Variants in MASP1 observed in about 807,000 individuals in gnomAD.
MASP1 encodes the protein MBL associated serine protease 1.
A neutral mutation model predicts 77.1 loss-of-function variants in MASP1; 59 were observed. The observed-to-expected ratio is 0.77, with a 90% CI of 0.62 to 0.95. The LOEUF (loss-of-function observed/expected upper bound fraction) is 0.95. Among genes scored for constraint, MASP1 ranks in the 40% least tolerant of loss-of-function variants. The pLI, the probability that MASP1 is intolerant of heterozygous loss-of-function variation, is 0.00. For missense variants in MASP1, 885 were observed against 912.9 expected, an observed-to-expected ratio of 0.97 and a Z score of 0.39; for synonymous variants, 362 against 354.5, an observed-to-expected ratio of 1.02 and a Z score of -0.24.
intron 2 of MASP1, among the ~76,000 whole-genome samples, chr3:187,266,373 AATAAG>A (rs778673215): frequency 4.6e-5 from 7 of 152,212 alleles, no homozygotes; most frequent in South Asian, 2.1e-4. Context: ...TTGGTAGAAG[AATAAG>A]ATAAGTACTC....
rs777440372 is a variant in MASP1 at position 187,235,778 on chromosome 3, T to C, written c.2093A>G (p.Tyr698Cys). 6 of 1,614,026 alleles carry C rather than the reference T, an allele frequency of 3.7e-6. No individual in the cohort carries two copies. Among genetic ancestry groups the C allele is most frequent in the Non-Finnish European group, 5.1e-6 (6 of 1,179,976 alleles). The change falls in exon 11 of 11, where the codon TAT becomes TGT. Residue 698 changes from tyrosine (Y) to cysteine (C), a missense_variant. Tyr to Cys is a radical substitution (Grantham distance 194, BLOSUM62 -2). Transcript: ENST00000296280. ...GPEECGSKQVYGVYTKVSNYV... is the reference protein window; with the variant it reads ...GPEECGSKQVCGVYTKVSNYV... ...ATTGGAGACCTTTGTGTAGACTCCA[T>C]AGACCTGCTTGCTGCCGCATTCTTC... is the stretch of plus-strand genomic sequence containing the variant.
In MASP1 at chr3:187,270,425, C is replaced by T. The variant is rs373649492; in HGVS notation, c.238-7705G>A. 5.8e-4 allele frequency among the ~76,000 whole-genome samples: 88 copies of T among 152,298 alleles called. 1 individual carries two copies. The highest frequency in any genetic ancestry group is 1.9e-3 in the African/African-American group (81 of 41,568). On this transcript the variant is annotated intron_variant, in intron 2 of 10. Coordinates refer to ENST00000296280, the MANE Select transcript of MASP1 (RefSeq NM_139125.4). ...GTGCTGTCTGATCATCTTGGCCTGTCACCAGCAAGAATCCTGTTAGGTCAT... is the reference window on the plus strand; with the variant it reads ...GTGCTGTCTGATCATCTTGGCCTGTTACCAGCAAGAATCCTGTTAGGTCAT...
At chr3:187,252,659 G>A (rs1400277574) in intron 6 of MASP1, among the ~76,000 whole-genome samples, 1 of 152,144 alleles carries the variant, frequency 6.6e-6, no homozygotes, top group Admixed American at 6.5e-5. Context: ...GTTACTGCAG[G>A]TTGAATGGCT....
At position 187,247,537 on chromosome 3, in the gene MASP1, A is replaced by G. The variant is rs551294903; in HGVS notation, c.1090+2714T>C. The G allele has an allele frequency of 5.7e-6, 5 of 874,492 alleles. No homozygotes were observed. In the African/African-American group the frequency reaches 6.6e-5, roughly 12 times the overall value. 54.2% of individuals were successfully genotyped at this position (874,492 alleles called of 1,614,324 possible). ...CTCCACCAGAATTGATTAAGAATGCATAGTTTAGGTACAGCCAGTGTGAAG... is the reference window on the plus strand; with the variant it reads ...CTCCACCAGAATTGATTAAGAATGCGTAGTTTAGGTACAGCCAGTGTGAAG... On this transcript the variant is annotated intron_variant, in intron 8 of 10. Coordinates refer to ENST00000296280, the MANE Select transcript of MASP1 (RefSeq NM_139125.4).
Position 187,262,658 on chromosome 3 carries a change from C to T in MASP1, c.300G>A (p.Gln100=). Residue 100 remains glutamine (Q), a synonymous_variant, in exon 3 of 11, where the codon CAG becomes CAA. Coordinates refer to ENST00000296280, the MANE Select transcript of MASP1 (RefSeq NM_139125.4). ...AGAGGACCACCTCCTGGCCGGGAGT[C>T]TGCTCTGTGTCTGTGGTCTCCCTGC... ...FCGRETTDTE[Q]TPGQEVVLSP... is the part of the protein sequence containing the mutation. 1 of 1,614,166 alleles carries T rather than the reference C, an allele frequency of 6.2e-7. No homozygotes were observed. Among genetic ancestry groups the T allele is most frequent in the Non-Finnish European group, 8.5e-7 (1 of 1,180,014 alleles).
intron 1 of MASP1, among the ~76,000 whole-genome samples, chr3:187,288,573 G>T (rs974898348): frequency 4.6e-5 from 7 of 152,228 alleles, no homozygotes; most frequent in African/African-American, 7.2e-5. Flanking sequence ...GAAGTATTTT[G>T]TTAACTGTCC....
In MASP1 at chr3:187,262,722, T is replaced by A. The variant is rs1553779765; in HGVS notation, c.238-2A>T. ...CAGCACCTGGTCCTCAGTTTCTACC[T>A]TTGAGGTCAAAGAGAAAGGGAACAA... On this transcript the variant is annotated splice_acceptor_variant, in intron 2 of 10. Coordinates refer to ENST00000296280, the MANE Select transcript of MASP1 (RefSeq NM_139125.4). LOFTEE classifies it high-confidence loss of function. 23 of 1,613,836 alleles carry A rather than the reference T, an allele frequency of 1.4e-5. No individual in the cohort carries two copies. Among genetic ancestry groups the A allele is most frequent in the Non-Finnish European group, 1.9e-5 (23 of 1,179,812 alleles).
Position 187,234,819 on chromosome 3 carries a change from C to G in MASP1, c.*865G>C, listed in dbSNP as rs1025138675. ...ATATTCGGGCCTGGGCTTCAGGTAGCCTTTCAGATAATACATTTCAAGGCT... is the reference window on the plus strand; with the variant it reads ...ATATTCGGGCCTGGGCTTCAGGTAGGCTTTCAGATAATACATTTCAAGGCT... On this transcript the variant is annotated 3_prime_UTR_variant, in exon 11 of 11. Transcript: ENST00000296280. 1 of 1,287,242 alleles carries G rather than the reference C, an allele frequency of 7.8e-7. No individual in the cohort carries two copies. Among genetic ancestry groups the G allele is most frequent in the East Asian group, 5.5e-5 (1 of 18,026 alleles). The allele number at this position is 1,287,242 out of a possible 1,614,324, so 79.7% of individuals were successfully genotyped here. A position where few individuals can be genotyped will look rare whatever the true frequency, so the allele number is the denominator to read the frequency against.
downstream of MASP1, among the ~76,000 whole-genome samples, chr3:187,230,788 A>G (rs1388805275): frequency 6.6e-6 from 1 of 152,226 alleles, no homozygotes; most frequent in Non-Finnish European, 1.5e-5. Flanking sequence ...ATTGACTTCC[A>G]AAAGGTATTC....
intron 13 of MASP1, among the ~76,000 whole-genome samples, chr3:187,224,513 A>AT (rs1158523925): frequency 1.3e-5 from 2 of 151,244 alleles, no homozygotes; most frequent in East Asian, 1.9e-4. Flanking sequence ...TGCCCGGCTA[A>AT]TTTTTTGTAT....
downstream of MASP1, among the ~76,000 whole-genome samples, chr3:187,230,808 G>C (rs1477395562): frequency 6.6e-6 from 1 of 152,226 alleles, no homozygotes; most frequent in Non-Finnish European, 1.5e-5. Flanking sequence ...CCATGAGTTA[G>C]TAGCAAGACT....
intron 8 of MASP1, chr3:187,246,395 T>G: frequency 1.0e-6 from 1 of 985,470 alleles, no homozygotes; most frequent in South Asian, 4.7e-5. Flanking sequence ...GACACTTGTC[T>G]TTAGTAGCCA....
At chr3:187,251,414 A>C in intron 7 of MASP1, 1 of 418,336 alleles carries the variant, frequency 2.4e-6, no homozygotes, top group Non-Finnish European at 4.4e-6. Flanking sequence ...GCTCTGATTA[A>C]AAAAAAAAAA....
At chr3:187,257,651 C>T (rs1297198452) in intron 4 of MASP1, among the ~76,000 whole-genome samples, 2 of 152,180 alleles carry the variant, frequency 1.3e-5, no homozygotes, top group East Asian at 3.9e-4. Context: ...TCCCAAAGTG[C>T]TGAGATTACA....
rs550288365 is a variant in MASP1 at position 187,243,360 on chromosome 3, G to A, written c.1228+124C>T. ...CTGAGATGTGTGAGTGACACGTTTT[G>A]CATTATCAGGCTCTACACACTTATG... On this transcript the variant is annotated intron_variant, in intron 9 of 10. Coordinates refer to ENST00000296280, the MANE Select transcript of MASP1 (RefSeq NM_139125.4). The A allele has an allele frequency of 1.2e-5, 12 of 961,918 alleles. No individual in the cohort carries two copies. In the African/African-American group the frequency reaches 1.8e-4, roughly 14 times the overall value. The allele number at this position is 961,918 out of a possible 1,614,324, so 59.6% of individuals were successfully genotyped here.
rs530702625 is a variant in MASP1, at chr3:187,251,444, C to G, written c.1011+190G>C. 1.2e-4 allele frequency: 70 copies of G among 575,660 alleles called. No homozygotes were observed. In the Middle Eastern group the frequency reaches 1.9e-3, roughly 16 times the overall value. The allele number at this position is 575,660 out of a possible 1,614,324, so 35.7% of individuals were successfully genotyped here. On this transcript the variant is annotated intron_variant, in intron 7 of 10. Coordinates refer to ENST00000296280, the MANE Select transcript of MASP1 (RefSeq NM_139125.4). ...AAAAAAAAAACAAACTTTTGTGCCA[C>G]TTTCAGAGTGTGAGACCGCCTGGGA...
chr3:187,224,433 G>A (rs950140303), intron 13 of MASP1, among the ~76,000 whole-genome samples: 2 of 140,028 alleles, frequency 1.4e-5, no homozygotes, highest in Admixed American at 7.6e-5. Context: ...TGCAAGCTCC[G>A]CCTCCCGGGT....
intron 4 of MASP1, among the ~76,000 whole-genome samples, chr3:187,260,394 T>C (rs1022480029): frequency 6.6e-6 from 1 of 152,226 alleles, no homozygotes; most frequent in Non-Finnish European, 1.5e-5. Flanking sequence ...GGGTAAAGCA[T>C]AATTCGTGGC....
chr3:187,243,940 T>C, intron 8 of MASP1: 1 of 386,418 alleles, frequency 2.6e-6, no homozygotes, highest in South Asian at 2.7e-5. Flanking sequence ...AGGGCCTCTT[T>C]CTTTTACTTC....
Sources: allele counts gnomAD v4.1 joint callset (sites outside exome capture counted in the v4.1 genomes callset), GRCh38; gene constraint gnomAD v4.1.1; transcripts MANE v1.5; gene names NCBI Gene and HGNC (gene_info 2026-07-23, HGNC 2026-07-21).